Variants in NPAS3 observed in about 807,000 individuals in gnomAD.
The protein encoded by NPAS3 is neuronal PAS domain-containing protein 3.
Under a neutral mutation model 73.1 loss-of-function variants are expected in NPAS3, and 14 were observed. The observed-to-expected ratio is 0.19, with a 90% confidence interval of 0.13 to 0.30. NPAS3 has a LOEUF of 0.30. Among genes scored for constraint, NPAS3 ranks in the 10% least tolerant of loss-of-function variants. The pLI is 1.00. For synonymous variants in NPAS3, 620 were observed against 541.5 expected (o/e 1.14, Z -2.01); for missense variants, 1,096 against 1,250.0 (o/e 0.88, Z 1.86).
intron 4 of NPAS3, among the ~76,000 whole-genome samples, chr14:33,436,618 G>C (rs987181609): frequency 6.6e-6 from 1 of 152,136 alleles, no homozygotes; most frequent in Non-Finnish European, 1.5e-5. Flanking sequence ...CTACCATTCT[G>C]TATCTGTGTT....
Position 33,735,338 on chromosome 14 carries a change from C to G in NPAS3, c.852+6C>G. On this transcript the variant is annotated splice_donor_region_variant and intron_variant, in intron 7 of 11. Transcript: ENST00000356141. ...TCAAATCATCAGGATATAAGGTAAG[C>G]CGGTTCCGGGAGGGGAGACATTGCT... The G allele has an allele frequency of 6.3e-7, 1 of 1,598,656 alleles. No individual in the cohort carries two copies. Among genetic ancestry groups the G allele is most frequent in the Non-Finnish European group, 8.6e-7 (1 of 1,166,152 alleles).
intron 3 of NPAS3, among the ~76,000 whole-genome samples, chr14:33,234,584 A>G (rs754027564): frequency 6.6e-5 from 10 of 152,154 alleles, no homozygotes; most frequent in Non-Finnish European, 1.3e-4. Flanking sequence ...TAGAAATGAA[A>G]TTAGAGAGAG....
chr14:33,606,538 T>C (rs1366360167), intron 5 of NPAS3, among the ~76,000 whole-genome samples: 1 of 149,576 alleles, frequency 6.7e-6, no homozygotes, highest in Non-Finnish European at 1.5e-5. Flanking sequence ...GGGATATTCA[T>C]TCATATGCAG....
rs2036131067 is a variant in NPAS3, at chr14:32,943,710, T to TC, written c.50+4344_50+4345insC. 2.4e-5 allele frequency among the ~76,000 whole-genome samples: 3 copies of TC among 125,276 alleles called. No individual in the cohort carries two copies. In the East Asian group the frequency reaches 5.9e-4, roughly 25 times the overall value. 82.2% of individuals were successfully genotyped at this position (125,276 alleles called of 152,430 possible). On this transcript the variant is annotated intron_variant, in intron 1 of 11. Transcript: ENST00000356141. ...TTCTTTTTCTTTTTTTTTTTTTTTTTAGACAGAGTCTTGCTCTGTTGCCCA... is the reference window on the plus strand; with the variant it reads ...TTCTTTTTCTTTTTTTTTTTTTTTTTCAGACAGAGTCTTGCTCTGTTGCCCA...
In NPAS3 at chr14:33,586,897, A is replaced by G. The variant is rs78977110; in HGVS notation, c.558+26687A>G. Among the ~76,000 whole-genome samples, 2,860 of 152,236 alleles carry G rather than the reference A, an allele frequency of 0.019. 124 individuals are homozygous for G. In the East Asian group the frequency reaches 0.19, roughly 10 times the overall value. ...GCTACAGAAGTATTTCCAGTAAGAC[A>G]TTTTGGAGAATATAGAGTTTGGGGG... On this transcript the variant is annotated intron_variant, in intron 5 of 11. Coordinates refer to ENST00000356141, the Ensembl canonical transcript of NPAS3.
chr14:33,180,250 T>G (rs2045742575), intron 2 of NPAS3, among the ~76,000 whole-genome samples: 1 of 152,092 alleles, frequency 6.6e-6, no homozygotes, highest in Admixed American at 6.5e-5. Context: ...TTATTTTTCT[T>G]ATCGTATCTC....
intron 4 of NPAS3, among the ~76,000 whole-genome samples, chr14:33,490,238 A>G (rs1195821429): frequency 6.6e-6 from 1 of 152,018 alleles, no homozygotes; most frequent in East Asian, 1.9e-4. Flanking sequence ...TATGTTTCGA[A>G]CCCATTATCT....
intron 2 of NPAS3, among the ~76,000 whole-genome samples, chr14:33,089,561 T>A (rs1443167047): frequency 6.6e-6 from 1 of 152,158 alleles, no homozygotes; most frequent in African/African-American, 2.4e-5. Flanking sequence ...TGGAACCAAG[T>A]TGGAAAACAC....
intron 7 of NPAS3, among the ~76,000 whole-genome samples, chr14:33,748,016 C>G (rs931099107): frequency 6.6e-6 from 1 of 152,166 alleles, no homozygotes; most frequent in Admixed American, 6.6e-5. Context: ...TGTATTTGTA[C>G]ATAGTTTTCC....
Position 33,667,702 on chromosome 14 carries a change from T to C in NPAS3, c.559-8509T>C, listed in dbSNP as rs529173560. Among the ~76,000 whole-genome samples, 50 of 152,308 alleles carry C rather than the reference T, an allele frequency of 3.3e-4. 1 individual carries two copies. The East Asian group carries it at 9.1e-3, about 28-fold the overall frequency. ...AGCAGTATATTAGGCCTTTTTCTTA[T>C]GGTAATTCACAAGAAATAAATTATA... On this transcript the variant is annotated intron_variant, in intron 5 of 11. Coordinates refer to ENST00000356141, the Ensembl canonical transcript of NPAS3.
intron 2 of NPAS3, among the ~76,000 whole-genome samples, chr14:33,171,678 C>G (rs1321066006): frequency 6.6e-6 from 1 of 152,204 alleles, no homozygotes; most frequent in Admixed American, 6.5e-5. Context: ...CAATAAGCCT[C>G]TTTTCACTTT....
intron 4 of NPAS3, among the ~76,000 whole-genome samples, chr14:33,475,867 G>A (rs745908906): frequency 2.6e-5 from 4 of 152,156 alleles, no homozygotes; most frequent in Admixed American, 1.3e-4. Context: ...GCATGGACCA[G>A]AGTGAAATAA....
At chr14:33,147,389 T>C (rs2044271361) in intron 2 of NPAS3, among the ~76,000 whole-genome samples, 1 of 152,188 alleles carries the variant, frequency 6.6e-6, no homozygotes, top group Non-Finnish European at 1.5e-5. Context: ...CTGTTGCTGC[T>C]CTAAAATTCT....
chr14:33,308,748 C>T (rs2042885205), intron 3 of NPAS3, among the ~76,000 whole-genome samples: 1 of 151,652 alleles, frequency 6.6e-6, no homozygotes, highest in Non-Finnish European at 1.5e-5. Flanking sequence ...TTAAAATAAC[C>T]ACAAATAACT....
intron 3 of NPAS3, among the ~76,000 whole-genome samples, chr14:33,342,488 T>C (rs1390159860): frequency 6.6e-6 from 1 of 152,222 alleles, no homozygotes; most frequent in Non-Finnish European, 1.5e-5. Context: ...GTGAAGCTCC[T>C]CTGGCCCAGC....
At chr14:33,738,465 G>A (rs942848610) in intron 7 of NPAS3, among the ~76,000 whole-genome samples, 5 of 152,048 alleles carry the variant, frequency 3.3e-5, no homozygotes, top group African/African-American at 7.2e-5. Context: ...CTAGTGTATC[G>A]GTGCTTGGTG....
At chr14:33,099,237 T>C (rs1390694609) in intron 2 of NPAS3, among the ~76,000 whole-genome samples, 1 of 152,196 alleles carries the variant, frequency 6.6e-6, no homozygotes, top group African/African-American at 2.4e-5. Context: ...AGTATAAAGA[T>C]TATAATCAGT....
At chr14:33,615,770 G>C (rs932156292) in intron 5 of NPAS3, among the ~76,000 whole-genome samples, 1 of 152,116 alleles carries the variant, frequency 6.6e-6, no homozygotes, top group African/African-American at 2.4e-5. Context: ...AGTGCATGCT[G>C]AGAATCCCCG....
chr14:33,778,609 G>A, intron 9 of NPAS3, 37 bp downstream of exon 9: 1 of 1,390,600 alleles, frequency 7.2e-7, no homozygotes, highest in Non-Finnish European at 1.0e-6. Flanking sequence ...ACCCCGGCTG[G>A]TGTCAGCAAT....
Sources: gnomAD v4.1 joint callset for allele counts (sites outside exome capture counted in the v4.1 genomes callset) on GRCh38, gnomAD v4.1.1 for gene constraint, MANE v1.5 for transcripts, NCBI Gene and HGNC (gene_info 2026-07-23, HGNC 2026-07-21) for gene names.